The following TENM2 variants were observed in gnomAD, a reference collection of about 807,000 sequenced individuals.
The protein encoded by TENM2 is teneurin-2.
TENM2 carries 52 observed loss-of-function variants against 245.2 expected under a neutral mutation model. The observed-to-expected ratio is 0.21, with a 90% confidence interval of 0.17 to 0.27. TENM2 has a LOEUF of 0.27. Ranked by LOEUF, TENM2 falls within the 10% of genes least tolerant of loss-of-function variation. The probability of loss-of-function intolerance (pLI) is 1.00; values close to 1 mark genes in which losing one functional copy is unlikely to be tolerated. For missense variants in TENM2, 3,046 were observed against 3,666.8 expected (o/e 0.83, Z 4.37); for synonymous variants, 1,363 against 1,438.9 (o/e 0.95, Z 1.19).
At chr5:167,935,077 G>T (rs1778597646) in intron 3 of TENM2, among the ~76,000 whole-genome samples, 1 of 152,310 alleles carries the variant, frequency 6.6e-6, no homozygotes, top group Non-Finnish European at 1.5e-5. Flanking sequence ...CAGGGCAAGA[G>T]TGTTCCCCAG....
At chr5:168,120,411 C>T (rs1795387399) in intron 10 of TENM2, among the ~76,000 whole-genome samples, 1 of 152,058 alleles carries the variant, frequency 6.6e-6, no homozygotes, top group Non-Finnish European at 1.5e-5. Context: ...TAAGAGAGGC[C>T]AATAATACGA....
the TENM2 span, among the ~76,000 whole-genome samples, chr5:167,056,587 A>G: frequency 6.8e-6 from 1 of 146,466 alleles, no homozygotes; most frequent in Admixed American, 6.9e-5. Context: ...ATATAAATAT[A>G]TCTATATAAA....
the TENM2 span, among the ~76,000 whole-genome samples, chr5:167,147,822 G>T: frequency 7.9e-5 from 12 of 152,064 alleles, no homozygotes; most frequent in African/African-American, 2.7e-4. Flanking sequence ...CCTCAACCTG[G>T]TTTTTTTCTC....
At chr5:168,065,544 A>G (rs1790421785) in intron 7 of TENM2, among the ~76,000 whole-genome samples, 1 of 152,324 alleles carries the variant, frequency 6.6e-6, no homozygotes, top group South Asian at 2.1e-4. Flanking sequence ...GCTATGATAT[A>G]TGAGTGTTCT....
At chr5:167,236,111 G>A in the TENM2 span, among the ~76,000 whole-genome samples, 1 of 152,118 alleles carries the variant, frequency 6.6e-6, no homozygotes, top group Non-Finnish European at 1.5e-5. Context: ...AACAAAGGAA[G>A]TACTGTGTAT....
At chr5:168,043,024 G>A (rs1011455139) in intron 5 of TENM2, among the ~76,000 whole-genome samples, 1 of 152,154 alleles carries the variant, frequency 6.6e-6, no homozygotes, top group African/African-American at 2.4e-5. Context: ...GTGAGAGGGA[G>A]GAATGTTAGG....
chr5:167,554,790 G>A (rs1435917808), intron 2 of TENM2, among the ~76,000 whole-genome samples: 2 of 152,012 alleles, frequency 1.3e-5, no homozygotes, highest in Non-Finnish European at 2.9e-5. Context: ...AAGTGGATTG[G>A]GCCAAGAGGG....
intron 3 of TENM2, among the ~76,000 whole-genome samples, chr5:167,925,865 A>G (rs1384440588): frequency 6.6e-6 from 1 of 152,230 alleles, no homozygotes; most frequent in Non-Finnish European, 1.5e-5. Context: ...AGAAAGCCAA[A>G]TATCACATGT....
chr5:167,846,800 G>A (rs1207374550), intron 2 of TENM2, among the ~76,000 whole-genome samples: 1 of 152,108 alleles, frequency 6.6e-6, no homozygotes, highest in Non-Finnish European at 1.5e-5. Context: ...AAATAAACTT[G>A]TCTTCCCCTC....
intron 9 of TENM2, among the ~76,000 whole-genome samples, chr5:168,105,730 T>C (rs1006959922): frequency 1.5e-4 from 23 of 152,166 alleles, no homozygotes; most frequent in African/African-American, 5.6e-4. Context: ...CCTGGCAATT[T>C]GTAACATTTT....
intron 2 of TENM2, among the ~76,000 whole-genome samples, chr5:167,601,703 T>G (rs988912996): frequency 7.2e-5 from 11 of 152,210 alleles, no homozygotes; most frequent in African/African-American, 2.7e-4. Flanking sequence ...TCCAATTTCT[T>G]ATTCGTTATT....
intron 2 of TENM2, among the ~76,000 whole-genome samples, chr5:167,379,013 G>A (rs1227370970): frequency 6.6e-6 from 1 of 152,100 alleles, no homozygotes; most frequent in East Asian, 1.9e-4. Flanking sequence ...GAAATCTGGT[G>A]TTGGTTAAAC....
the TENM2 span, among the ~76,000 whole-genome samples, chr5:167,269,129 G>A: frequency 3.3e-5 from 5 of 152,116 alleles, no homozygotes; most frequent in East Asian, 9.7e-4. Flanking sequence ...AAGAAAATAC[G>A]TCACAAAATT....
chr5:168,170,510 A>AAGAG (rs952342838), intron 13 of TENM2, among the ~76,000 whole-genome samples: 5 of 151,210 alleles, frequency 3.3e-5, no homozygotes, highest in Non-Finnish European at 7.4e-5. Context: ...CCATCTCAAA[A>AAGAG]AGAGAGAGAG....
intron 4 of TENM2, among the ~76,000 whole-genome samples, chr5:167,982,345 A>G (rs1038042821): frequency 6.6e-6 from 1 of 152,204 alleles, no homozygotes; most frequent in African/African-American, 2.4e-5. Context: ...GAACTTACTC[A>G]TCAATGCATC....
intron 2 of TENM2, among the ~76,000 whole-genome samples, chr5:167,620,447 A>G (rs2127768657): frequency 6.6e-6 from 1 of 152,096 alleles, no homozygotes; most frequent in South Asian, 2.1e-4. Flanking sequence ...TTTTATTTTT[A>G]ACTTGTGAAT....
At chr5:167,419,169 A>G (rs1400456760) in intron 2 of TENM2, among the ~76,000 whole-genome samples, 1 of 151,898 alleles carries the variant, frequency 6.6e-6, no homozygotes, top group Non-Finnish European at 1.5e-5. Context: ...AATTATTTAA[A>G]TATGTTGGTA....
chr5:167,858,087 G>A (rs1219623632), intron 2 of TENM2, among the ~76,000 whole-genome samples: 1 of 152,130 alleles, frequency 6.6e-6, no homozygotes, highest in Non-Finnish European at 1.5e-5. Context: ...CTAATCTCAG[G>A]GACAGAGCTA....
chr5:167,257,910 G>A, the TENM2 span, among the ~76,000 whole-genome samples: 3 of 151,962 alleles, frequency 2.0e-5, no homozygotes, highest in Admixed American at 2.0e-4. Context: ...ATATGAGAAT[G>A]AGTTCCAAAG....
Sources: gnomAD v4.1 joint callset for allele counts (sites outside exome capture counted in the v4.1 genomes callset) on GRCh38, gnomAD v4.1.1 for gene constraint, MANE v1.5 for transcripts, NCBI Gene and HGNC (gene_info 2026-07-23, HGNC 2026-07-21) for gene names.